The following ACSL6 variants were observed in gnomAD, a reference collection of about 807,000 sequenced individuals.
The protein encoded by ACSL6 is acyl-CoA synthetase long chain family member 6, also known as long-chain-fatty-acid--CoA ligase 6.
ACSL6 carries 47 observed loss-of-function variants against 98.2 expected under a neutral mutation model. That is an observed-to-expected ratio of 0.48 (90% CI 0.38 to 0.61). The LOEUF (loss-of-function observed/expected upper bound fraction) is 0.61. ACSL6 is among the 20% of genes least tolerant of loss of function. The pLI is 0.00. For synonymous variants in ACSL6, 362 were observed against 336.9 expected (o/e 1.07, Z -0.82); for missense variants, 761 against 913.4 (o/e 0.83, Z 2.15).
chr5:131,989,164 C>T (rs550974350), intron 5 of ACSL6, among the ~76,000 whole-genome samples: 38 of 152,196 alleles, frequency 2.5e-4, no homozygotes, highest in South Asian at 4.2e-4. Context: ...TCAGGTCTTT[C>T]CTCCCCATTG....
At chr5:132,003,168 T>C (rs568857009) in intron 1 of ACSL6, among the ~76,000 whole-genome samples, 97 of 152,324 alleles carry the variant, frequency 6.4e-4, no homozygotes, top group African/African-American at 2.3e-3. Context: ...GGCATCCCCA[T>C]AGTCTGACAA....
At chr5:132,002,115 G>A (rs576094113) in intron 1 of ACSL6, among the ~76,000 whole-genome samples, 2 of 152,092 alleles carry the variant, frequency 1.3e-5, no homozygotes, top group Non-Finnish European at 2.9e-5. Context: ...ATCCTTCCAC[G>A]CCAAGCCCTG....
At position 131,969,613 on chromosome 5, in the gene ACSL6, C is replaced by G. The variant is rs562190965; in HGVS notation, c.1507+515G>C. ...TTTATAGATTCTAGATACTACATGG[C>G]CTTGCTTATAGTATTTTAGAATGAA... is the stretch of plus-strand genomic sequence containing the variant. On this transcript the variant is annotated intron_variant, in intron 15 of 20. Coordinates refer to ENST00000651883, the MANE Select transcript of ACSL6 (RefSeq NM_001009185.3). Among the ~76,000 whole-genome samples, 7 of 152,200 alleles carry G rather than the reference C, an allele frequency of 4.6e-5. No individual in the cohort carries two copies. In the East Asian group the frequency reaches 1.2e-3, roughly 25 times the overall value.
At chr5:131,968,104 A>G in intron 15 of ACSL6, 76 bp from the exon 16 acceptor site, 1 of 1,350,872 alleles carries the variant, frequency 7.4e-7, no homozygotes, top group Middle Eastern at 1.8e-4. Context: ...AAGCCCCTTA[A>G]AATCTCTGAG....
At chr5:132,005,330 G>T (rs1322505005) in intron 1 of ACSL6, among the ~76,000 whole-genome samples, 2 of 152,314 alleles carry the variant, frequency 1.3e-5, no homozygotes, top group Non-Finnish European at 1.5e-5. Context: ...GGGCAGAGTG[G>T]CCAGAGCTTC....
chr5:132,010,680 C>T (rs538983807), intron 1 of ACSL6, among the ~76,000 whole-genome samples: 1 of 152,308 alleles, frequency 6.6e-6, no homozygotes, highest in South Asian at 2.1e-4. Context: ...GCTGAATCTG[C>T]ACATGGGGGT....
At chr5:131,969,316 A>G (rs1368741595) in intron 15 of ACSL6, among the ~76,000 whole-genome samples, 1 of 152,252 alleles carries the variant, frequency 6.6e-6, no homozygotes, top group South Asian at 2.1e-4. Context: ...TATTTGGCCA[A>G]GCTAAGTATA....
chr5:131,962,814 C>G, intron 17 of ACSL6, 136 bp from the exon 18 acceptor site: 1 of 1,018,268 alleles, frequency 9.8e-7, no homozygotes, highest in South Asian at 1.6e-5. Context: ...GTTGTGTCTG[C>G]TCTTAGGGAG....
At position 131,997,728 on chromosome 5, in the gene ACSL6, C is replaced by A. The variant is rs569455041; in HGVS notation, c.50-3477G>T. On this transcript the variant is annotated intron_variant, in intron 1 of 20. Coordinates refer to ENST00000651883, the MANE Select transcript of ACSL6 (RefSeq NM_001009185.3). Reference sequence around the variant, plus strand: ...CTTGGCTGCCCACTCCTCCTTGCAACTTCTACTTAGGTGCTCACCCTGAAG... The same window carrying A: ...CTTGGCTGCCCACTCCTCCTTGCAAATTCTACTTAGGTGCTCACCCTGAAG... Among the ~76,000 whole-genome samples the A allele has an allele frequency of 1.6e-4, 25 of 152,364 alleles. No individual in the cohort carries two copies. The South Asian group carries it at 5.0e-3, about 30-fold the overall frequency.
At chr5:131,981,875 T>TG (rs891190137) in intron 9 of ACSL6, 2 of 152,326 alleles carry the variant, frequency 1.3e-5, no homozygotes, top group African/African-American at 4.8e-5. Flanking sequence ...TCTTTTTTTT[T>TG]GTGATGGAGT....
At chr5:131,976,339 C>G (rs1753608473) in intron 10 of ACSL6, 1 of 635,740 alleles carries the variant, frequency 1.6e-6, no homozygotes, top group South Asian at 7.0e-5. Context: ...ATGGGTATAT[C>G]AATTTTTGAA....
chr5:132,006,179 A>G (rs1325972877), intron 1 of ACSL6: 2 of 152,198 alleles, frequency 1.3e-5, no homozygotes, highest in African/African-American at 4.8e-5. Flanking sequence ...GAGCTGGCAA[A>G]TAGGGTCAGG....
At chr5:131,985,596 G>T in intron 8 of ACSL6, 138 bp from the exon 9 acceptor site, 1 of 818,864 alleles carries the variant, frequency 1.2e-6, no homozygotes, top group Non-Finnish European at 2.0e-6. Flanking sequence ...ACGCCTGCAT[G>T]CTCCTGTGTG....
intron 11 of ACSL6, chr5:131,973,659 G>C: frequency 2.8e-6 from 1 of 351,300 alleles, no homozygotes; most frequent in Non-Finnish European, 5.2e-6. Flanking sequence ...TGCCAAAGCA[G>C]CCATTCTCAC....
At chr5:131,969,053 T>C (rs760061638) in intron 15 of ACSL6, among the ~76,000 whole-genome samples, 1 of 152,178 alleles carries the variant, frequency 6.6e-6, no homozygotes, top group Non-Finnish European at 1.5e-5. Context: ...ATCTGATGGG[T>C]AATCCATGGG....
At chr5:131,996,606 C>T (rs1206585649) in intron 1 of ACSL6, among the ~76,000 whole-genome samples, 1 of 152,222 alleles carries the variant, frequency 6.6e-6, no homozygotes, top group Admixed American at 6.5e-5. Context: ...GGAAGGATAC[C>T]TCATTACCAC....
In ACSL6 at chr5:131,950,341, TA is replaced by T. The variant is rs1752096497; in HGVS notation, c.*3892del. ...TCTACTGCCTCTGTGTTACAACCAC[TA>T]ATGTGTTCTAACTGAAGAGTTTCTC... On this transcript the variant is annotated 3_prime_UTR_variant, in exon 21 of 21. Coordinates refer to ENST00000651883, the MANE Select transcript of ACSL6 (RefSeq NM_001009185.3). 9.7e-6 allele frequency: 2 copies of T among 205,330 alleles called. No individual in the cohort carries two copies. The highest frequency in any genetic ancestry group is 3.8e-4 in the South Asian group (2 of 5,282). The allele number at this position is 205,330 out of a possible 1,614,324, so 12.7% of individuals were successfully genotyped here. A position where few individuals can be genotyped will look rare whatever the true frequency, so the allele number is the denominator to read the frequency against.
intron 20 of ACSL6, 37 bp from the exon 21 acceptor site, chr5:131,954,408 T>G: frequency 6.2e-7 from 1 of 1,602,618 alleles, no homozygotes; most frequent in South Asian, 1.1e-5. Context: ...TTAACAGGAA[T>G]AGAACACAGT....
chr5:132,011,998 C>G (rs1755763571), upstream of ACSL6: 12 of 1,491,602 alleles, frequency 8.0e-6, no homozygotes, highest in Non-Finnish European at 9.9e-6. This position sits in a 1 kb window ranked among gnomAD's most constrained non-coding sequence, Gnocchi z 5.4. Context: ...CGCCGCCACC[C>G]ACCCCATCAA....
Sources: gnomAD v4.1 joint callset for allele counts (sites outside exome capture counted in the v4.1 genomes callset) on GRCh38, gnomAD v4.1.1 for gene constraint, Gnocchi (gnomAD v3.1) non-coding constraint, MANE v1.5 for transcripts, NCBI Gene and HGNC (gene_info 2026-07-23, HGNC 2026-07-21) for gene names.